TRAPPC9: variants seen among roughly 807,000 people sequenced by gnomAD.
The protein encoded by TRAPPC9 is IKK2 binding protein.
Under a neutral mutation model 124.0 loss-of-function variants are expected in TRAPPC9, and 83 were observed. The ratio of observed to expected loss-of-function variants is 0.67; its 90% CI spans 0.56 to 0.80. The LOEUF (loss-of-function observed/expected upper bound fraction) is 0.80. TRAPPC9 is among the 30% of genes least tolerant of loss of function. The pLI, the probability that TRAPPC9 is intolerant of heterozygous loss-of-function variation, is 0.00. For synonymous variants in TRAPPC9, 638 were observed against 617.5 expected (o/e 1.03, Z -0.49); for missense variants, 1,302 against 1,508.3 (o/e 0.86, Z 2.27).
intron 17 of TRAPPC9, among the ~76,000 whole-genome samples, chr8:140,072,573 AAGG>A (rs1335172252): frequency 3.0e-5 from 1 of 32,970 alleles, no homozygotes; most frequent in African/African-American, 1.0e-4. Flanking sequence ...AGGAGAAAGG[AAGG>A]AGGAGGAGGA....
At chr8:139,783,157 A>C (rs1432674135) in intron 21 of TRAPPC9, among the ~76,000 whole-genome samples, 1 of 152,184 alleles carries the variant, frequency 6.6e-6, no homozygotes, top group African/African-American at 2.4e-5. Context: ...CTAAATGCAA[A>C]GAAAGAAAAG....
chr8:139,973,521 G>A (rs1279340896), intron 19 of TRAPPC9, among the ~76,000 whole-genome samples: 1 of 152,252 alleles, frequency 6.6e-6, no homozygotes, highest in Non-Finnish European at 1.5e-5. Context: ...TGGACAGGGG[G>A]CAAACTGAAA....
At chr8:140,335,550 A>G (rs2067011471) in intron 9 of TRAPPC9, among the ~76,000 whole-genome samples, 1 of 152,166 alleles carries the variant, frequency 6.6e-6, no homozygotes, top group Non-Finnish European at 1.5e-5. Flanking sequence ...GCAGGATCCT[A>G]TGAGACATTC....
intron 17 of TRAPPC9, among the ~76,000 whole-genome samples, chr8:140,115,275 T>G (rs984659760): frequency 2.0e-5 from 3 of 151,988 alleles, no homozygotes; most frequent in African/African-American, 7.3e-5. Flanking sequence ...TAATGGTTTT[T>G]TTTTTTTTTT....
chr8:140,157,882 T>C (rs920718116), intron 17 of TRAPPC9, among the ~76,000 whole-genome samples: 2 of 152,216 alleles, frequency 1.3e-5, no homozygotes, highest in Non-Finnish European at 2.9e-5. Flanking sequence ...AATGCATATT[T>C]TTATAAGAAC....
intron 17 of TRAPPC9, among the ~76,000 whole-genome samples, chr8:140,054,209 T>A (rs1842169611): frequency 6.6e-6 from 1 of 152,186 alleles, no homozygotes; most frequent in African/African-American, 2.4e-5. Flanking sequence ...AATCTACCTG[T>A]TGGGTACTAT....
intron 9 of TRAPPC9, among the ~76,000 whole-genome samples, chr8:140,323,019 ATAAGGC>A (rs1400648146): frequency 6.6e-6 from 1 of 152,172 alleles, no homozygotes; most frequent in Non-Finnish European, 1.5e-5. Context: ...CAACTTCAGG[ATAAGGC>A]TGGTCACCAG....
Position 140,388,375 on chromosome 8 carries a change from A to G in TRAPPC9, c.1134+9245T>C, listed in dbSNP as rs1400981561. ...ACATGTACCCTAGAACTTACAGTAA[A>G]AAAAAAAAAAAAGAAGGAATGAAGG... On this transcript the variant is annotated intron_variant, in intron 7 of 22. Coordinates refer to ENST00000438773, the MANE Select transcript of TRAPPC9 (RefSeq NM_001160372.4). Among the ~76,000 whole-genome samples the G allele has an allele frequency of 8.0e-5, 12 of 149,418 alleles. No individual in the cohort carries two copies. The East Asian group carries it at 2.3e-3, about 29-fold the overall frequency.
At chr8:140,023,758 G>C (rs1017778274) in intron 18 of TRAPPC9, among the ~76,000 whole-genome samples, 179 bp downstream of exon 18, 1 of 152,266 alleles carries the variant, frequency 6.6e-6, no homozygotes, top group African/African-American at 2.4e-5. Context: ...CTGAGAGGCA[G>C]TTCTCATGTA....
At chr8:139,789,494 C>T (rs1411866905) in intron 21 of TRAPPC9, among the ~76,000 whole-genome samples, 1 of 152,162 alleles carries the variant, frequency 6.6e-6, no homozygotes, top group East Asian at 1.9e-4. Flanking sequence ...ATCTACATCT[C>T]AGACCTCCTG....
chr8:140,327,026 C>T (rs7000486), intron 9 of TRAPPC9, among the ~76,000 whole-genome samples: 42,748 of 152,004 alleles, frequency 0.28, 6,329 homozygotes, highest in Middle Eastern at 0.39. Flanking sequence ...CTGAGGTGAG[C>T]GGATCACCTG....
intron 17 of TRAPPC9, among the ~76,000 whole-genome samples, chr8:140,131,008 G>A (rs888316440): frequency 6.6e-6 from 1 of 152,154 alleles, no homozygotes; most frequent in African/African-American, 2.4e-5. Context: ...GCGATGAATA[G>A]ATTTTTAATA....
At chr8:140,424,376 T>C (rs942587921) in intron 5 of TRAPPC9, among the ~76,000 whole-genome samples, 1 of 150,252 alleles carries the variant, frequency 6.7e-6, no homozygotes, top group Non-Finnish European at 1.5e-5. Flanking sequence ...CCAGGCACAG[T>C]GGCTCATGTT....
At chr8:140,054,159 T>C (rs1842165473) in intron 17 of TRAPPC9, among the ~76,000 whole-genome samples, 3 of 152,172 alleles carry the variant, frequency 2.0e-5, no homozygotes, top group South Asian at 2.1e-4. Flanking sequence ...CAAGAGACAC[T>C]GAGGACTCCA....
At chr8:140,082,646 T>C (rs1293630723) in intron 17 of TRAPPC9, among the ~76,000 whole-genome samples, 3 of 152,368 alleles carry the variant, frequency 2.0e-5, no homozygotes, top group South Asian at 2.1e-4. Context: ...ATTAACTTCA[T>C]ATTTTTCCAG....
chr8:140,201,326 T>C (rs978132343), intron 17 of TRAPPC9, among the ~76,000 whole-genome samples: 2 of 152,260 alleles, frequency 1.3e-5, no homozygotes, highest in Non-Finnish European at 2.9e-5. Context: ...GTTGTTTATG[T>C]AGTTTCTTGA....
chr8:140,201,573 T>A (rs1359416670), intron 17 of TRAPPC9, among the ~76,000 whole-genome samples: 1 of 152,216 alleles, frequency 6.6e-6, no homozygotes, highest in African/African-American at 2.4e-5. Flanking sequence ...TTACAAAATA[T>A]CTTTGATTCC....
chr8:139,732,143 C>G lies in TRAPPC9; in HGVS notation c.3115G>C (p.Asp1039His). Reference sequence around the variant, plus strand: ...AGCCGCACCTCCAGGCGCACGGGGTCGCCCACCTGGCAGGCCGCCACAGCC... The same window carrying G: ...AGCCGCACCTCCAGGCGCACGGGGTGGCCCACCTGGCAGGCCGCCACAGCC... ...REAVAACQVG[D>H]PVRLEVRLTN... is the part of the protein sequence containing the mutation. Residue 1039 changes from aspartate (D) to histidine (H), a missense_variant, in exon 22 of 23, where the codon GAC becomes CAC. Asp to His is a moderately conservative substitution (Grantham distance 81, BLOSUM62 -1). Transcript: ENST00000438773. 6.2e-7 allele frequency: 1 copy of G among 1,604,918 alleles called. No individual in the cohort carries two copies. The highest frequency in any genetic ancestry group is 8.5e-7 in the Non-Finnish European group (1 of 1,177,126).
intron 19 of TRAPPC9, among the ~76,000 whole-genome samples, chr8:139,971,903 C>T (rs193207213): frequency 1.2e-4 from 18 of 152,016 alleles, no homozygotes; most frequent in Admixed American, 4.6e-4. Flanking sequence ...CTCACTGCGA[C>T]GTCCACCTCC....
Sources: allele counts gnomAD v4.1 joint callset (sites outside exome capture counted in the v4.1 genomes callset), GRCh38; gene constraint gnomAD v4.1.1; transcripts MANE v1.5; gene names NCBI Gene and HGNC (gene_info 2026-07-23, HGNC 2026-07-21).